Variants in ACP2 observed in about 807,000 individuals in gnomAD.
The protein encoded by ACP2 is lysosomal acid phosphatase.
Under a neutral mutation model 54.7 loss-of-function variants are expected in ACP2, and 35 were observed. That is an observed-to-expected ratio of 0.64 (90% CI 0.49 to 0.85). ACP2 has a LOEUF of 0.85. ACP2 is among the 40% of genes least tolerant of loss of function. The pLI, the probability that ACP2 is intolerant of heterozygous loss-of-function variation, is 0.00. For missense variants in ACP2, 492 were observed against 565.0 expected (o/e 0.87, Z 1.31); for synonymous variants, 210 against 224.4 (o/e 0.94, Z 0.57).
chr11:47,247,696 T>G lies in ACP2; in HGVS notation c.242A>C (p.Gln81Pro). 6.2e-7 allele frequency: 1 copy of G among 1,614,044 alleles called. No individual in the cohort carries two copies. The highest frequency in any genetic ancestry group is 8.5e-7 in the Non-Finnish European group (1 of 1,180,042). ...GCCGTGATAGCGCTGCCGCAGGGCC[T>G]GGCCCAGTTCCCAGTGCTGTAGCAT... ...EGMLQHWELG[Q>P]ALRQRYHGFL... is the part of the protein sequence containing the mutation. The change falls in exon 3 of 11, where the codon CAG becomes CCG. Residue 81 changes from glutamine to proline, a missense_variant. Transcript: ENST00000672073.
intron 3 of ACP2, among the ~76,000 whole-genome samples, chr11:47,247,044 A>T (rs1954147217): frequency 6.6e-6 from 1 of 152,162 alleles, no homozygotes; most frequent in South Asian, 2.1e-4. Context: ...TCAGAGGAAC[A>T]GCTTCCCCCA....
chr11:47,242,886 C>T lies in ACP2; in HGVS notation c.975G>A (p.Val325=). The T allele has an allele frequency of 1.2e-6, 2 of 1,612,104 alleles. No individual in the cohort carries two copies. The highest frequency in any genetic ancestry group is 1.7e-6 in the Non-Finnish European group (2 of 1,178,332). ...CACTCTCGTTCCGAAAGTACATCTCCACTGAGAAATTCCTGAGGGTCGACA... is the reference window on the plus strand; with the variant it reads ...CACTCTCGTTCCGAAAGTACATCTCTACTGAGAAATTCCTGAGGGTCGACA... The part of the protein sequence containing the change: ...LYQEDSGNFS[V]EMYFRNESDK... The change falls in exon 10 of 11, where the codon GTG becomes GTA. Residue 325 remains valine (V), a synonymous_variant. Transcript: ENST00000672073.
In ACP2 at chr11:47,242,796, A is replaced by G; in HGVS notation, c.1065T>C (p.Leu355=). 1 of 1,614,140 alleles carries G rather than the reference A, an allele frequency of 6.2e-7. No individual in the cohort carries two copies. Among genetic ancestry groups the G allele is most frequent in the Non-Finnish European group, 8.5e-7 (1 of 1,180,006 alleles). Residue 355 remains leucine (L), a synonymous_variant, in exon 10 of 11, where the codon CTT becomes CTC. Transcript: ENST00000672073. The part of the protein sequence containing the change: ...CPHRCPLQDF[L]RLTEPVVPKD... ...TGGGCACGACGGGCTCTGTGAGGCG[A>G]AGGAAGTCCTGCAGTGGGCAGCGGT...
Position 47,239,966 on chromosome 11 carries a change from C to T in ACP2, c.*150G>A, listed in dbSNP as rs568159859. ...GCTGAGTGACAGGCACCATGGGCCACGCTGAGCCCCACTCGCTCATCTGGC... is the reference window on the plus strand; with the variant it reads ...GCTGAGTGACAGGCACCATGGGCCATGCTGAGCCCCACTCGCTCATCTGGC... On this transcript the variant is annotated 3_prime_UTR_variant, in exon 11 of 11. Transcript: ENST00000672073. The T allele has an allele frequency of 1.6e-4, 120 of 759,570 alleles. No homozygotes were observed. The African/African-American group carries it at 1.7e-3, about 11-fold the overall frequency. 47.1% of individuals were successfully genotyped at this position (759,570 alleles called of 1,614,324 possible).
Position 47,245,828 on chromosome 11 carries a change from C to T in ACP2, c.304G>A (p.Val102Met). The T allele has an allele frequency of 6.4e-7, 1 of 1,569,774 alleles. No individual in the cohort carries two copies. Among genetic ancestry groups the T allele is most frequent in the Non-Finnish European group, 8.6e-7 (1 of 1,157,252 alleles). ...GTCCGGTCAAAGTCTGTGCTTCGCACATAAACCTGCAGCGATAGCAACACA... is the reference window on the plus strand; with the variant it reads ...GTCCGGTCAAAGTCTGTGCTTCGCATATAAACCTGCAGCGATAGCAACACA... ...NTSYHRQEVY[V>M]RSTDFDRTLM... Residue 102 changes from valine to methionine, a missense_variant, in exon 4 of 11, where the codon GTG becomes ATG. Coordinates refer to ENST00000672073, the MANE Select transcript of ACP2 (RefSeq NM_001610.4).
intron 7 of ACP2, among the ~76,000 whole-genome samples, chr11:47,244,174 A>C (rs1953969781): frequency 6.6e-6 from 1 of 151,898 alleles, no homozygotes; most frequent in Admixed American, 6.6e-5. Context: ...CATGCCTGTA[A>C]TCCCAGCACT....
At chr11:47,240,346 C>CG in intron 10 of ACP2, 97 bp from the exon 11 acceptor site, 1 of 673,764 alleles carries the variant, frequency 1.5e-6, no homozygotes, top group Admixed American at 2.4e-5. Context: ...GTGGCCAAGA[C>CG]AGAGTCCCTG....
chr11:47,242,896 T>C lies in ACP2; in HGVS notation c.965A>G (p.Asn322Ser), dbSNP rs761782200. ...CCGAAAGTACATCTCCACTGAGAAA[T>C]TCCTGAGGGTCGACAGGAGGCAACA... ...IFELYQEDSGNFSVEMYFRNE... is the reference protein window; with the variant it reads ...IFELYQEDSGSFSVEMYFRNE... Residue 322 changes from asparagine to serine, a missense_variant and splice_region_variant, in exon 10 of 11, where the codon AAT (asparagine) becomes AGT (serine). Asn to Ser is a conservative substitution (Grantham distance 46). Coordinates refer to ENST00000672073, the MANE Select transcript of ACP2 (RefSeq NM_001610.4). 6.2e-7 allele frequency: 1 copy of C among 1,610,526 alleles called. No homozygotes were observed. The highest frequency in any genetic ancestry group is 1.1e-5 in the South Asian group (1 of 91,020).
At chr11:47,248,592 C>A (rs1954327517) in intron 1 of ACP2, 84 bp downstream of exon 1, 1 of 1,552,790 alleles carries the variant, frequency 6.4e-7, no homozygotes, top group African/African-American at 1.4e-5. Flanking sequence ...ACCAGCTGTT[C>A]CTTCCCGAGA....
chr11:47,248,786 C>A lies in ACP2; in HGVS notation c.4G>T (p.Ala2Ser). The A allele has an allele frequency of 1.3e-6, 2 of 1,593,168 alleles. No homozygotes were observed. The highest frequency in any genetic ancestry group is 1.7e-6 in the Non-Finnish European group (2 of 1,169,604). The change falls in exon 1 of 11, where the codon GCG becomes TCG. Residue 2 changes from alanine (A) to serine (S), a missense_variant. Coordinates refer to ENST00000672073, the MANE Select transcript of ACP2 (RefSeq NM_001610.4). M[A>S]GKRSGWSRAA... The stretch of plus-strand genomic sequence containing the variant: ...CGGCTCCAGCCGGACCGCTTGCCCG[C>A]CATCACCGTTGTAATCTATGCAGCA...
chr11:47,248,497 G>A, intron 1 of ACP2, 179 bp downstream of exon 1: 1 of 1,550,498 alleles, frequency 6.4e-7, no homozygotes, highest in Non-Finnish European at 8.7e-7. Context: ...CGACGTATTC[G>A]GTCATCCTGA....
rs762555770 is a variant in ACP2 at position 47,240,198 on chromosome 11, A to G, written c.1190T>C (p.Val397Ala). ...VCGSILFLLI[V>A]LLLTVLFRMQ... The stretch of plus-strand genomic sequence containing the variant: ...CCGGAAGAGGACGGTGAGGAGCAGC[A>G]CTATGAGGAGGAAGAGGATGGAGCC... Residue 397 changes from valine (V) to alanine (A), a missense_variant, in exon 11 of 11, where the codon GTG (valine) becomes GCG (alanine). Physicochemically the swap from Val to Ala is moderately conservative, Grantham distance 64 (BLOSUM62 0). Coordinates refer to ENST00000672073, the MANE Select transcript of ACP2 (RefSeq NM_001610.4). The G allele has an allele frequency of 6.2e-7, 1 of 1,613,584 alleles. No homozygotes were observed. Among genetic ancestry groups the G allele is most frequent in the South Asian group, 1.1e-5 (1 of 91,074 alleles).
chr11:47,247,728 C>T lies in ACP2; in HGVS notation c.211-1G>A. The T allele has an allele frequency of 6.2e-7, 1 of 1,613,388 alleles. No individual in the cohort carries two copies. The highest frequency in any genetic ancestry group is 8.5e-7 in the Non-Finnish European group (1 of 1,179,918). On this transcript the variant is annotated splice_acceptor_variant, in intron 2 of 10. Coordinates refer to ENST00000672073, the MANE Select transcript of ACP2 (RefSeq NM_001610.4). LOFTEE classifies it high-confidence loss of function. The stretch of plus-strand genomic sequence containing the variant: ...GTTCCCAGTGCTGTAGCATCCCCTC[C>T]TGTGGGCAAACCCAAGGGTTAAGAG...
intron 10 of ACP2, among the ~76,000 whole-genome samples, chr11:47,241,487 A>G (rs1190966157): frequency 6.6e-6 from 1 of 152,262 alleles, no homozygotes; most frequent in Non-Finnish European, 1.5e-5. Flanking sequence ...ACTGCACTCC[A>G]GCCTGGGCAA....
Position 47,247,705 on chromosome 11 carries a change from TC to T in ACP2, c.232del (p.Glu78AsnfsTer14). On this transcript the variant is annotated frameshift_variant, in exon 3 of 11. Coordinates refer to ENST00000672073, the MANE Select transcript of ACP2 (RefSeq NM_001610.4). LOFTEE classifies it high-confidence loss of function. ...LTKEGMLQHW[E>X]LGQALRQRYH... ...GCGCTGCCGCAGGGCCTGGCCCAGT[TC>T]CCAGTGCTGTAGCATCCCCTCCTGT... 6.2e-7 allele frequency: 1 copy of T among 1,613,914 alleles called. No homozygotes were observed. Among genetic ancestry groups the T allele is most frequent in the Non-Finnish European group, 8.5e-7 (1 of 1,180,030 alleles).
At chr11:47,240,312 C>T in intron 10 of ACP2, 63 bp from the exon 11 acceptor site, 1 of 851,524 alleles carries the variant, frequency 1.2e-6, no homozygotes, top group Non-Finnish European at 2.0e-6. Flanking sequence ...AGCTACTGTT[C>T]TGACATATAG....
At chr11:47,240,454 T>C (rs1049742289) in intron 10 of ACP2, among the ~76,000 whole-genome samples, 4 of 152,156 alleles carry the variant, frequency 2.6e-5, no homozygotes, top group Non-Finnish European at 5.9e-5. Flanking sequence ...CTTTGGAAGG[T>C]TGAGGTGGGC....
chr11:47,248,279 T>C lies in ACP2; in HGVS notation c.115-146A>G, dbSNP rs938950384. 7.8e-6 allele frequency: 8 copies of C among 1,028,500 alleles called. No individual in the cohort carries two copies. The African/African-American group carries it at 1.3e-4, about 17-fold the overall frequency. 63.7% of individuals were successfully genotyped at this position (1,028,500 alleles called of 1,614,324 possible). On this transcript the variant is annotated intron_variant, in intron 1 of 10. Transcript: ENST00000672073. ...GCAAAAGACCCCAGCTAGGAGTCAG[T>C]CACTTCTTCCAGATTCCAGAGATTC... is the stretch of plus-strand genomic sequence containing the variant.
At chr11:47,245,057 C>A (rs1954015214) in intron 6 of ACP2, 190 bp from the exon 7 acceptor site, 1 of 1,148,702 alleles carries the variant, frequency 8.7e-7, no homozygotes, top group Admixed American at 2.2e-5. Context: ...AGCTCAGGCA[C>A]AAAAAGTGAG....
Sources: gnomAD v4.1 joint callset for allele counts (sites outside exome capture counted in the v4.1 genomes callset) on GRCh38, gnomAD v4.1.1 for gene constraint, MANE v1.5 for transcripts, NCBI Gene and HGNC (gene_info 2026-07-23, HGNC 2026-07-21) for gene names.